Variants in FAM161A observed in about 807,000 individuals in gnomAD.
The protein encoded by FAM161A is protein FAM161A.
Under a neutral mutation model 70.9 loss-of-function variants are expected in FAM161A, and 57 were observed. That is an observed-to-expected ratio of 0.80 (90% CI 0.65 to 1.00). FAM161A has a LOEUF of 1.00. FAM161A is among the 50% of genes least tolerant of loss of function. FAM161A has a pLI of 0.00. For missense variants in FAM161A, 880 were observed against 836.0 expected, an observed-to-expected ratio of 1.05 and a Z score of -0.65; for synonymous variants, 299 against 295.7, an observed-to-expected ratio of 1.01 and a Z score of -0.12.
the FAM161A span, among the ~76,000 whole-genome samples, chr2:61,814,683 C>G: frequency 2.0e-5 from 3 of 152,144 alleles, no homozygotes; most frequent in Admixed American, 2.0e-4. Context: ...CCACTGCACT[C>G]CAGCCTGGGC....
chr2:61,845,631 T>G (rs1673177431), intron 1 of FAM161A, among the ~76,000 whole-genome samples: 1 of 151,906 alleles, frequency 6.6e-6, no homozygotes. Flanking sequence ...CAGACCAGCC[T>G]GGGCAACACG....
At chr2:61,811,667 C>G in the FAM161A span, among the ~76,000 whole-genome samples, 10 of 152,008 alleles carry the variant, frequency 6.6e-5, no homozygotes, top group African/African-American at 2.4e-4. Context: ...ACCACTGCGC[C>G]TGGCCTAAAT....
chr2:61,842,399 C>A, intron 1 of FAM161A, 39 bp from the exon 2 acceptor site: 1 of 1,299,042 alleles, frequency 7.7e-7, no homozygotes, highest in South Asian at 1.3e-5. Context: ...GTGACTGGAG[C>A]TGAAAGACAA....
At position 61,839,512 on chromosome 2, in the gene FAM161A, GT is replaced by G. The variant is rs1432919954; in HGVS notation, c.1491del (p.Pro498GlnfsTer2). 1 of 1,614,032 alleles carries G rather than the reference GT, an allele frequency of 6.2e-7. No homozygotes were observed. The highest frequency in any genetic ancestry group is 1.3e-5 in the African/African-American group (1 of 74,898). ...GGGTTTACACCTGCACATCTTACTG[GT>G]GACTTACGCCTTGGAGACAAATAAG... is the stretch of plus-strand genomic sequence containing the variant. ...RWPYLSPRRK[S>X]PVRCAGVNPV... On this transcript the variant is annotated frameshift_variant, in exon 3 of 7. Coordinates refer to ENST00000404929, the MANE Select transcript of FAM161A (RefSeq NM_001201543.2). LOFTEE classifies it high-confidence loss of function.
chr2:61,832,751 G>A (rs541761125), intron 5 of FAM161A, among the ~76,000 whole-genome samples: 5 of 152,290 alleles, frequency 3.3e-5, no homozygotes, highest in Admixed American at 1.3e-4. Flanking sequence ...TGCTCCTTAT[G>A]AGAATCTAAC....
At chr2:61,808,030 C>G in the FAM161A span, among the ~76,000 whole-genome samples, 2 of 152,096 alleles carry the variant, frequency 1.3e-5, no homozygotes. Context: ...TGGGGTCCCC[C>G]AAAAGCTGAC....
chr2:61,827,151 C>A lies in FAM161A; in HGVS notation c.1959G>T (p.Glu653Asp), dbSNP rs201052209. The A allele has an allele frequency of 2.9e-3, 4,676 of 1,613,930 alleles. 163 individuals are homozygous for A. The South Asian group carries it at 0.048, about 16-fold the overall frequency. ...SKKGQSGKVL[E>D]YFNNQETKSV... ...TTTTCGTCTCTTGATTGTTGAAGTA[C>A]TCAAGTACTTTTCCACTTTGGCCTT... The change falls in exon 6 of 7, where the codon GAG becomes GAT. Residue 653 changes from glutamate (E) to aspartate (D), a missense_variant. Physicochemically the swap from Glu to Asp is conservative, Grantham distance 45 (BLOSUM62 2). Transcript: ENST00000404929.
rs544320037 is a variant in FAM161A, at chr2:61,845,957, C to T, written c.184-3597G>A. Among the ~76,000 whole-genome samples, 15 of 151,896 alleles carry T rather than the reference C, an allele frequency of 9.9e-5. 1 individual carries two copies. The East Asian group carries it at 1.2e-3, about 12-fold the overall frequency. ...TACAAAAATTAGCCAGGCATGGTGG[C>T]GTGTACCTGTAGTCCCAGCTACTCA... On this transcript the variant is annotated intron_variant, in intron 1 of 6. Coordinates refer to ENST00000404929, the MANE Select transcript of FAM161A (RefSeq NM_001201543.2).
the FAM161A span, among the ~76,000 whole-genome samples, chr2:61,814,007 G>C: frequency 1.3e-5 from 2 of 152,154 alleles, no homozygotes; most frequent in Admixed American, 1.3e-4. Context: ...AGTCAGGGCT[G>C]CCACTCTCAG....
the FAM161A span, among the ~76,000 whole-genome samples, chr2:61,816,021 C>T: frequency 3.9e-5 from 6 of 152,104 alleles, no homozygotes; most frequent in Non-Finnish European, 8.8e-5. Flanking sequence ...AGCCCTAAAC[C>T]AGTTACTGCT....
intron 5 of FAM161A, 25 bp downstream of exon 5, chr2:61,835,985 G>A: frequency 7.1e-7 from 1 of 1,408,076 alleles, no homozygotes; most frequent in East Asian, 2.3e-5. Flanking sequence ...ACTGACGATA[G>A]CTCTTAAATT....
At chr2:61,829,182 A>C (rs1221170069) in intron 5 of FAM161A, among the ~76,000 whole-genome samples, 1 of 152,226 alleles carries the variant, frequency 6.6e-6, no homozygotes, top group Non-Finnish European at 1.5e-5. Context: ...TGAGTGGTAG[A>C]ACCAAGTCTC....
At chr2:61,839,313 C>T (rs1051273874) in intron 3 of FAM161A, 108 bp downstream of exon 3, 6 of 919,774 alleles carry the variant, frequency 6.5e-6, no homozygotes, top group South Asian at 1.4e-5. Flanking sequence ...CTTATAGATA[C>T]AATAATAATT....
chr2:61,850,179 C>G (rs897135071), intron 1 of FAM161A, among the ~76,000 whole-genome samples: 1 of 151,788 alleles, frequency 6.6e-6, no homozygotes, highest in African/African-American at 2.4e-5. Context: ...GGCGGATCAC[C>G]TGAGGTCAGG....
chr2:61,820,407 A>C (rs889823821), downstream of FAM161A: 30 of 757,720 alleles, frequency 4.0e-5, no homozygotes, highest in Non-Finnish European at 1.4e-5. Flanking sequence ...AGGTGGATGC[A>C]GCCATGAATG....
In FAM161A at chr2:61,836,031, C is replaced by G. The variant is rs755312506; in HGVS notation, c.1830G>C (p.Leu610=). The change falls in exon 5 of 7, where the codon CTG becomes CTC. Residue 610 remains leucine, a synonymous_variant. Coordinates refer to ENST00000404929, the MANE Select transcript of FAM161A (RefSeq NM_001201543.2). ...CAACCTGAGCAACTCTTTCAAATAG[C>G]AGTGGCCTCTTTTTTAATTTTTCTT... ...EREEKLKKRP[L]LFERVAQKNA... is the part of the protein sequence containing the mutation. 1.2e-6 allele frequency: 2 copies of G among 1,608,940 alleles called. No homozygotes were observed. The highest frequency in any genetic ancestry group is 2.2e-5 in the South Asian group (2 of 90,178).
Position 61,827,199 on chromosome 2 carries a change from T to C in FAM161A, c.1911A>G (p.Ile637Met). The change falls in exon 6 of 7, where the codon ATA becomes ATG. Residue 637 changes from isoleucine to methionine, a missense_variant. Coordinates refer to ENST00000404929, the MANE Select transcript of FAM161A (RefSeq NM_001201543.2). ...HYSNTLKALG[I>M]SDEFVSKKGQ... Reference sequence around the variant, plus strand: ...CTTTCTTTGAAACAAACTCATCAGATATTCCTAGTGCTTTTAGGGTATTAG... The same window carrying C: ...CTTTCTTTGAAACAAACTCATCAGACATTCCTAGTGCTTTTAGGGTATTAG... The C allele has an allele frequency of 6.2e-7, 1 of 1,613,988 alleles. No individual in the cohort carries two copies. Among genetic ancestry groups the C allele is most frequent in the Non-Finnish European group, 8.5e-7 (1 of 1,179,970 alleles).
At position 61,826,232 on chromosome 2, in the gene FAM161A, C is replaced by T; in HGVS notation, c.*223G>A. ...AAAAATACAAAATCATAGTTGCAAACAGATAATACACAATGATTTTTAAAA... is the reference window on the plus strand; with the variant it reads ...AAAAATACAAAATCATAGTTGCAAATAGATAATACACAATGATTTTTAAAA... On this transcript the variant is annotated 3_prime_UTR_variant, in exon 7 of 7. Transcript: ENST00000404929. 1.5e-6 allele frequency: 1 copy of T among 670,818 alleles called. No homozygotes were observed. Among genetic ancestry groups the T allele is most frequent in the Admixed American group, 2.0e-5 (1 of 49,026 alleles). 41.6% of individuals were successfully genotyped at this position (670,818 alleles called of 1,614,324 possible). A position where few individuals can be genotyped will look rare whatever the true frequency, so the allele number is the denominator to read the frequency against.
At chr2:61,814,311 A>T in the FAM161A span, among the ~76,000 whole-genome samples, 2 of 152,042 alleles carry the variant, frequency 1.3e-5, no homozygotes, top group South Asian at 2.1e-4. Flanking sequence ...GTTTTGTTAG[A>T]TCTTTTAACT....
Sources: gnomAD v4.1 joint callset for allele counts (sites outside exome capture counted in the v4.1 genomes callset) on GRCh38, gnomAD v4.1.1 for gene constraint, MANE v1.5 for transcripts, NCBI Gene and HGNC (gene_info 2026-07-23, HGNC 2026-07-21) for gene names.